Variants in ALAS2 observed in about 807,000 individuals in gnomAD.
ALAS2 encodes 5'-aminolevulinate synthase 2.
ALAS2 carries 3 observed loss-of-function variants against 33.7 expected under a neutral mutation model. That is an observed-to-expected ratio of 0.09 (90% CI 0.04 to 0.23). The LOEUF is 0.23. Ranked by LOEUF, ALAS2 falls within the 10% of genes least tolerant of loss-of-function variation. The pLI is 1.00. For missense variants in ALAS2, 304 were observed against 475.1 expected (o/e 0.64, Z 3.35); for synonymous variants, 191 against 177.3 (o/e 1.08, Z -0.61).
Position 55,016,013 on chromosome X carries a change from G to A in ALAS2, c.1004-271C>T, listed in dbSNP as rs752474865. On this transcript the variant is annotated intron_variant, in intron 7 of 10. Transcript: ENST00000650242. ...TGTGTGTGTGTGTGTGTGTGTGTAC[G>A]TGTGTGTGCGCATGTGTGTGTGTTC... Among the ~76,000 whole-genome samples the A allele has an allele frequency of 5.7e-4, 49 of 85,986 alleles. No individual in the cohort carries two copies. In the Admixed American group the frequency reaches 5.8e-3, roughly 10 times the overall value. The allele number at this position is 85,986 out of a possible 115,157, so 74.7% of individuals were successfully genotyped here. A position where few individuals can be genotyped will look rare whatever the true frequency, so the allele number is the denominator to read the frequency against.
chrX:55,013,936 G>A (rs1935651561), intron 9 of ALAS2, among the ~76,000 whole-genome samples: 1 of 110,897 alleles, frequency 9.0e-6, no homozygotes, highest in African/African-American at 3.3e-5. Flanking sequence ...CTTAGTTTGG[G>A]ATGGTTCTGG....
At chrX:55,015,516 AAG>A (rs1228470935) in intron 8 of ALAS2, 60 bp downstream of exon 8, 1 of 1,183,208 alleles carries the variant, frequency 8.5e-7, no homozygotes, top group Non-Finnish European at 1.1e-6. Context: ...GGAGGCAGAA[AAG>A]AATTTTGTAA....
intron 9 of ALAS2, 25 bp downstream of exon 9, chrX:55,014,722 G>T (rs758659582): frequency 1.7e-6 from 2 of 1,147,486 alleles, no homozygotes; most frequent in Non-Finnish European, 2.3e-6. Context: ...GGTGGAGAGG[G>T]CAATGGGCAT....
intron 10 of ALAS2, among the ~76,000 whole-genome samples, chrX:55,011,072 C>A (rs980954093): frequency 9.0e-6 from 1 of 111,489 alleles, no homozygotes; most frequent in African/African-American, 3.3e-5. Context: ...GAGGGAACGA[C>A]AAGTCCTTCA....
In ALAS2 at chrX:55,021,104, T is replaced by C. The variant is rs1276179185; in HGVS notation, c.586A>G (p.Ser196Gly). The change falls in exon 5 of 11, where the codon AGT (serine) becomes GGT (glycine). Residue 196 changes from serine to glycine, a missense_variant. This residue lies in a region of ALAS2 where 138 missense variants were observed against 265.3 expected (regional missense o/e 0.52). Coordinates refer to ENST00000650242, the MANE Select transcript of ALAS2 (RefSeq NM_000032.5). ...CGGCTCATGCCCAGGTAATCATTAC[T>C]ACACCAGACGGACACATCCTTTGAG... is the stretch of plus-strand genomic sequence containing the variant. Reference protein sequence around the residue: ...VASKDVSVWCSNDYLGMSRHP... With the variant: ...VASKDVSVWCGNDYLGMSRHP... 1 of 1,211,640 alleles carries C rather than the reference T, an allele frequency of 8.3e-7. No homozygotes were observed. The highest frequency in any genetic ancestry group is 2.2e-5 in the Admixed American group (1 of 46,073).
At chrX:55,019,576 A>G (rs1291871196) in intron 6 of ALAS2, among the ~76,000 whole-genome samples, 1 of 111,592 alleles carries the variant, frequency 9.0e-6, no homozygotes, top group Non-Finnish European at 1.9e-5. Context: ...GTCAGAGACC[A>G]TGGAGAACCC....
Position 55,025,902 on chromosome X carries a change from A to G in ALAS2, c.99T>C (p.Phe33=), listed in dbSNP as rs1935883670. ...CCAGGATGGGACAGCGTCCAATACC[A>G]AACAGGAACTGGTGAGTCTTAACCA... ...GKVVKTHQFL[F]GIGRCPILAT... The change falls in exon 2 of 11, where the codon TTT becomes TTC. Residue 33 remains phenylalanine (F), a synonymous_variant. Transcript: ENST00000650242. 8.3e-7 allele frequency: 1 copy of G among 1,211,712 alleles called. No individual in the cohort carries two copies. The highest frequency in any genetic ancestry group is 1.1e-6 in the Non-Finnish European group (1 of 895,449).
chrX:55,020,603 G>A (rs757332286), intron 5 of ALAS2, 99 bp from the exon 6 acceptor site: 98 of 836,155 alleles, frequency 1.2e-4, no homozygotes, highest in Non-Finnish European at 1.4e-4. Flanking sequence ...TCAATGTTGA[G>A]TTAGTGATCC....
Position 55,009,318 on chromosome X carries a change from C to T in ALAS2, c.1626G>A (p.Ala542=), listed in dbSNP as rs6612251. Residue 542 remains alanine (A), a synonymous_variant, in exon 11 of 11, where the codon GCG becomes GCA. Transcript: ENST00000650242. ...ACACATCCTGGAGGGGCAGCCCCAC[C>T]GCAGTCCAAGCCAGCAGCAGCTTCT... The part of the protein sequence containing the change: ...FVEKLLLAWT[A]VGLPLQDVSV... The T allele has an allele frequency of 2.8e-3, 3,313 of 1,201,370 alleles. 57 individuals are homozygous for T. In the African/African-American group the frequency reaches 0.052, roughly 19 times the overall value.
chrX:55,020,992 TCC>T, intron 5 of ALAS2, 58 bp downstream of exon 5: 2 of 1,074,386 alleles, frequency 1.9e-6, no homozygotes, highest in Admixed American at 4.7e-5. Flanking sequence ...TTTTTTTTTT[TCC>T]ATGTGTGGTT....
intron 7 of ALAS2, among the ~76,000 whole-genome samples, chrX:55,015,996 TGTGTGTGTGTGTGTAC>T (rs1233679555): frequency 9.4e-6 from 1 of 106,339 alleles, no homozygotes; most frequent in Non-Finnish European, 1.9e-5. Flanking sequence ...TGTGTGTGTG[TGTGTGTGTGTGTGTAC>T]GTGTGTGTGC....
At chrX:55,026,055 G>T in intron 1 of ALAS2, 40 bp from the exon 2 acceptor site, 4 of 1,161,106 alleles carry the variant, frequency 3.4e-6, no homozygotes, top group Non-Finnish European at 4.7e-6. Context: ...CATCATGAGG[G>T]CCTGGCAAAA....
At chrX:55,026,044 C>T in intron 1 of ALAS2, 29 bp from the exon 2 acceptor site, 12 of 1,179,817 alleles carry the variant, frequency 1.0e-5, no homozygotes, top group Non-Finnish European at 1.4e-5. Context: ...AGATGAGGTT[C>T]CATCATGAGG....
At chrX:55,013,345 G>T (rs2146714886) in intron 10 of ALAS2, 141 bp downstream of exon 10, 2 of 652,451 alleles carry the variant, frequency 3.1e-6, no homozygotes, top group Non-Finnish European at 4.5e-6. Context: ...ATTTATTTGT[G>T]ACCCTAGTAT....
rs1312056002 is a variant in ALAS2 at position 55,009,115 on chromosome X, A to G, written c.*65T>C. On this transcript the variant is annotated 3_prime_UTR_variant, in exon 11 of 11. Coordinates refer to ENST00000650242, the MANE Select transcript of ALAS2 (RefSeq NM_000032.5). ...AGCTAGAGGCACACAACAAAGCAGAAGACAGGAGTAGGCCTGGACCCAAGT... is the reference window on the plus strand; with the variant it reads ...AGCTAGAGGCACACAACAAAGCAGAGGACAGGAGTAGGCCTGGACCCAAGT... The G allele has an allele frequency of 5.2e-6, 6 of 1,155,112 alleles. No individual in the cohort carries two copies. The highest frequency in any genetic ancestry group is 7.0e-6 in the Non-Finnish European group (6 of 854,426).
chrX:55,024,617 A>G (rs1363110511), intron 3 of ALAS2, 101 bp downstream of exon 3: 7 of 1,088,895 alleles, frequency 6.4e-6, no homozygotes, highest in Non-Finnish European at 8.9e-6. Flanking sequence ...TCATCATGGG[A>G]TGTGTACTGG....
chrX:55,010,045 A>G (rs2146712540), intron 10 of ALAS2, among the ~76,000 whole-genome samples: 1 of 111,755 alleles, frequency 8.9e-6, no homozygotes, highest in African/African-American at 3.3e-5. Flanking sequence ...CCACCAAGCT[A>G]TTCTACTTTT....
chrX:55,025,704 T>G, intron 2 of ALAS2, 116 bp downstream of exon 2: 1 of 788,030 alleles, frequency 1.3e-6, no homozygotes. Flanking sequence ...GTTCATGCTA[T>G]CTTGACACTT....
chrX:55,020,110 T>C (rs1001496350), intron 6 of ALAS2, among the ~76,000 whole-genome samples: 3 of 111,523 alleles, frequency 2.7e-5, no homozygotes, highest in Non-Finnish European at 3.8e-5. Context: ...GGTGGGGTAA[T>C]GTTCCCCGGT....
Sources: gnomAD v4.1 joint callset for allele counts (sites outside exome capture counted in the v4.1 genomes callset) on GRCh38, gnomAD v4.1.1 for gene constraint, gnomAD v4.1.1 regional missense constraint, MANE v1.5 for transcripts, NCBI Gene and HGNC (gene_info 2026-07-23, HGNC 2026-07-21) for gene names.